The following NCOR1 variants were observed in gnomAD, a reference collection of about 807,000 sequenced individuals.
NCOR1 encodes nuclear receptor corepressor 1.
A neutral mutation model predicts 288.1 loss-of-function variants in NCOR1; 63 were observed. The observed-to-expected ratio is 0.22, with a 90% CI of 0.18 to 0.27. The LOEUF is 0.27. NCOR1 is among the 10% of genes least tolerant of loss of function. NCOR1 has a pLI of 1.00. For missense variants in NCOR1, 2,397 were observed against 3,019.2 expected (o/e 0.79, Z 4.83); for synonymous variants, 1,007 against 1,065.9 (o/e 0.94, Z 1.08).
chr17:16,160,047 G>C (rs780000108), intron 5 of NCOR1, among the ~76,000 whole-genome samples: 10 of 151,972 alleles, frequency 6.6e-5, no homozygotes, highest in Non-Finnish European at 1.5e-4. Context: ...GGTCAGGCTG[G>C]TCTCGAACTC....
At chr17:16,165,440 G>A (rs1432798505) in intron 4 of NCOR1, among the ~76,000 whole-genome samples, 1 of 152,144 alleles carries the variant, frequency 6.6e-6, no homozygotes, top group Non-Finnish European at 1.5e-5. Context: ...AAATTATAGA[G>A]AATTTATAGG....
chr17:16,147,371 T>G (rs2078155676), intron 9 of NCOR1, among the ~76,000 whole-genome samples: 1 of 151,928 alleles, frequency 6.6e-6, no homozygotes, highest in South Asian at 2.1e-4. Flanking sequence ...ATCGCACCAC[T>G]GCACTCCAAC....
chr17:16,038,587 C>T (rs187159378), intron 44 of NCOR1, among the ~76,000 whole-genome samples: 10 of 152,144 alleles, frequency 6.6e-5, no homozygotes, highest in Non-Finnish European at 1.3e-4. Flanking sequence ...ACAGCGTGAG[C>T]CACCACACCC....
chr17:16,080,358 A>T, intron 25 of NCOR1, 50 bp downstream of exon 25: 1 of 1,428,028 alleles, frequency 7.0e-7, no homozygotes, highest in East Asian at 2.3e-5. Context: ...TACTTTAATA[A>T]ATTTATTGGG....
chr17:16,029,954 C>A lies in NCOR1; in HGVS notation c.*2342G>T. 1 of 159,318 alleles carries A rather than the reference C, an allele frequency of 6.3e-6. No homozygotes were observed. The highest frequency in any genetic ancestry group is 1.4e-5 in the Non-Finnish European group (1 of 72,090). The allele number at this position is 159,318 out of a possible 1,614,324, so 9.9% of individuals were successfully genotyped here. A position where few individuals can be genotyped will look rare whatever the true frequency, so the allele number is the denominator to read the frequency against. The stretch of plus-strand genomic sequence containing the variant: ...ATCTGACATGTTCTCAGAAACTATA[C>A]GGTTGACCTTCAAATAATGCAGGAG... On this transcript the variant is annotated 3_prime_UTR_variant, in exon 46 of 46. Transcript: ENST00000268712.
intron 1 of NCOR1, among the ~76,000 whole-genome samples, chr17:16,213,423 C>T (rs967269490): frequency 7.6e-6 from 1 of 131,644 alleles, no homozygotes; most frequent in East Asian, 2.3e-4. Context: ...AACCCGGAGG[C>T]GGAGGTTGCA....
chr17:16,042,276 A>C (rs958037149), intron 42 of NCOR1, among the ~76,000 whole-genome samples: 1 of 149,558 alleles, frequency 6.7e-6, no homozygotes, highest in Non-Finnish European at 1.5e-5. Flanking sequence ...GAGCCCTGTT[A>C]TCATGAAGTG....
At chr17:16,130,732 G>A (rs575691745) in intron 14 of NCOR1, among the ~76,000 whole-genome samples, 4 of 152,266 alleles carry the variant, frequency 2.6e-5, no homozygotes, top group Admixed American at 2.0e-4. Context: ...CACCCAGGCT[G>A]GAGTACAGCG....
chr17:16,080,979 C>A (rs886286859), intron 23 of NCOR1, among the ~76,000 whole-genome samples: 4 of 151,764 alleles, frequency 2.6e-5, no homozygotes, highest in African/African-American at 9.7e-5. Flanking sequence ...ATAGTATTTA[C>A]TATTAATAAA....
rs1241179283 is a variant in NCOR1, at chr17:16,080,078, A to C, written c.3401-14T>G. The C allele has an allele frequency of 4.4e-6, 7 of 1,608,850 alleles. No individual in the cohort carries two copies. Among genetic ancestry groups the C allele is most frequent in the Middle Eastern group, 3.3e-4 (2 of 6,044 alleles). On this transcript the variant is annotated splice_polypyrimidine_tract_variant and intron_variant, in intron 25 of 45. Transcript: ENST00000268712. Reference sequence around the variant, plus strand: ...CTCCTGCGGTACCTGAATACAAACAAAGCTATTAGCAAATTACACCCCCAG... The same window carrying C: ...CTCCTGCGGTACCTGAATACAAACACAGCTATTAGCAAATTACACCCCCAG...
intron 14 of NCOR1, among the ~76,000 whole-genome samples, chr17:16,127,641 ATG>A (rs1301360023): frequency 2.1e-5 from 3 of 144,914 alleles, no homozygotes; most frequent in East Asian, 2.0e-4. Flanking sequence ...ATATGTATAT[ATG>A]TGTATGTGTA....
At chr17:16,131,166 AT>A (rs1025441655) in intron 14 of NCOR1, among the ~76,000 whole-genome samples, 24 of 150,994 alleles carry the variant, frequency 1.6e-4, no homozygotes, top group African/African-American at 5.8e-4. Context: ...TAATTTTTTA[AT>A]TTTTTTGTAG....
chr17:16,111,255 A>G (rs1484624046), intron 18 of NCOR1, among the ~76,000 whole-genome samples: 1 of 152,214 alleles, frequency 6.6e-6, no homozygotes, highest in African/African-American at 2.4e-5. Flanking sequence ...AATATATGAT[A>G]GTATTCACTA....
chr17:16,047,509 A>G (rs1168084092), intron 41 of NCOR1, among the ~76,000 whole-genome samples: 1 of 152,242 alleles, frequency 6.6e-6, no homozygotes, highest in Non-Finnish European at 1.5e-5. Context: ...AATTAAAACT[A>G]ATAGCACGCT....
chr17:16,044,496 T>C (rs1013155623), intron 42 of NCOR1: 2 of 479,010 alleles, frequency 4.2e-6, no homozygotes, highest in Non-Finnish European at 8.6e-6. Context: ...GATCGTCCTT[T>C]CCTCAGCTGC....
At chr17:16,167,429 T>C (rs1489708730) in intron 4 of NCOR1, among the ~76,000 whole-genome samples, 4 of 151,682 alleles carry the variant, frequency 2.6e-5, no homozygotes, top group East Asian at 1.9e-4. Context: ...AAGAGGCTTA[T>C]TAGCAAATCA....
intron 21 of NCOR1, among the ~76,000 whole-genome samples, chr17:16,093,799 TGTAA>T (rs746285213): frequency 2.0e-5 from 3 of 152,232 alleles, no homozygotes; most frequent in Non-Finnish European, 2.9e-5. Flanking sequence ...TGCAGTCTTC[TGTAA>T]GTGTCTAATT....
chr17:16,118,553 T>C (rs2072239570), intron 17 of NCOR1, among the ~76,000 whole-genome samples: 1 of 152,174 alleles, frequency 6.6e-6, no homozygotes, highest in African/African-American at 2.4e-5. Flanking sequence ...TACAGAAACC[T>C]ATGCAATTTA....
intron 6 of NCOR1, among the ~76,000 whole-genome samples, chr17:16,155,163 T>C (rs763145999): frequency 2.4e-4 from 37 of 152,068 alleles, no homozygotes; most frequent in Admixed American, 5.2e-4. Flanking sequence ...ACCAGCCTGC[T>C]AACATGGTGA....
Sources: gnomAD v4.1 joint callset for allele counts (sites outside exome capture counted in the v4.1 genomes callset) on GRCh38, gnomAD v4.1.1 for gene constraint, MANE v1.5 for transcripts, NCBI Gene and HGNC (gene_info 2026-07-23, HGNC 2026-07-21) for gene names.